The following SOX6 variants were observed in gnomAD, a reference collection of about 807,000 sequenced individuals.
SOX6 encodes SRY-box transcription factor 6.
A neutral mutation model predicts 97.8 loss-of-function variants in SOX6; 11 were observed. The ratio of observed to expected loss-of-function variants is 0.11; its 90% CI spans 0.07 to 0.19. The LOEUF is 0.19. Ranked by LOEUF, SOX6 falls within the 10% of genes least tolerant of loss-of-function variation. The pLI is 1.00. For synonymous variants in SOX6, 360 were observed against 371.4 expected (o/e 0.97, Z 0.35); for missense variants, 810 against 1,039.5 (o/e 0.78, Z 3.04).
intron 4 of SOX6, among the ~76,000 whole-genome samples, chr11:16,602,568 G>A (rs978766183): frequency 6.6e-6 from 1 of 152,122 alleles, no homozygotes; most frequent in Non-Finnish European, 1.5e-5. Flanking sequence ...TATTCAAGAA[G>A]ATACTTCCAA....
At chr11:16,043,822 A>C (rs895519049) in intron 12 of SOX6, among the ~76,000 whole-genome samples, 1 of 152,128 alleles carries the variant, frequency 6.6e-6, no homozygotes, top group Non-Finnish European at 1.5e-5. Flanking sequence ...CCTCTTCAGC[A>C]TTGCCTTAGC....
chr11:16,049,720 G>A (rs373449094), intron 11 of SOX6, 35 bp downstream of exon 11: 12 of 1,610,894 alleles, frequency 7.4e-6, no homozygotes, highest in African/African-American at 1.3e-5. Context: ...TACCTAATTC[G>A]TAAGTCTCTT....
At chr11:16,323,164 A>C (rs774911023) in intron 2 of SOX6, among the ~76,000 whole-genome samples, 1 of 152,188 alleles carries the variant, frequency 6.6e-6, no homozygotes, top group African/African-American at 2.4e-5. Context: ...ATGTTGATTC[A>C]GATAATCTAA....
intron 3 of SOX6, among the ~76,000 whole-genome samples, chr11:16,266,028 T>C (rs1355777811): frequency 2.4e-4 from 36 of 151,558 alleles, no homozygotes; most frequent in Non-Finnish European, 3.0e-5. Context: ...ATATTGAAAA[T>C]ATAATGGCTG....
intron 4 of SOX6, among the ~76,000 whole-genome samples, chr11:16,213,806 T>C (rs1242843990): frequency 6.6e-6 from 1 of 152,208 alleles, no homozygotes; most frequent in Non-Finnish European, 1.5e-5. Flanking sequence ...ATTTCAAAAC[T>C]AACTTCATTT....
At chr11:16,243,551 G>A (rs920250992) in intron 3 of SOX6, among the ~76,000 whole-genome samples, 7 of 151,060 alleles carry the variant, frequency 4.6e-5, no homozygotes, top group East Asian at 1.9e-4. Flanking sequence ...AATAAAATGC[G>A]CCCATTTAAA....
intron 9 of SOX6, among the ~76,000 whole-genome samples, chr11:16,078,079 T>C (rs145676918): frequency 5.7e-4 from 87 of 152,334 alleles, no homozygotes; most frequent in Admixed American, 9.8e-4. Context: ...AAACAATTTG[T>C]AATTTAGTTC....
intron 4 of SOX6, among the ~76,000 whole-genome samples, chr11:16,194,867 C>A (rs1025710863): frequency 1.3e-5 from 2 of 152,178 alleles, no homozygotes; most frequent in Non-Finnish European, 2.9e-5. Context: ...GATCTGGAAA[C>A]GAAGGTATTC....
chr11:16,473,107 T>G (rs1444309278), intron 1 of SOX6, among the ~76,000 whole-genome samples: 1 of 152,238 alleles, frequency 6.6e-6, no homozygotes, highest in Non-Finnish European at 1.5e-5. Flanking sequence ...ATTTTTTTCT[T>G]GAAATTTGCC....
At chr11:16,009,052 T>C (rs1317673846) in intron 13 of SOX6, among the ~76,000 whole-genome samples, 1 of 152,034 alleles carries the variant, frequency 6.6e-6, no homozygotes, top group African/African-American at 2.4e-5. Context: ...CAGACCCATA[T>C]GCCCACAGCA....
chr11:16,593,493 A>G (rs1456215433), intron 4 of SOX6, among the ~76,000 whole-genome samples: 1 of 147,342 alleles, frequency 6.8e-6, no homozygotes, highest in Non-Finnish European at 1.5e-5. Context: ...GATGGGAAGA[A>G]CGTTGAACAA....
At chr11:16,463,623 T>C (rs1184008698) in intron 1 of SOX6, among the ~76,000 whole-genome samples, 2 of 152,186 alleles carry the variant, frequency 1.3e-5, no homozygotes, top group Non-Finnish European at 2.9e-5. Context: ...AACTTCTCTA[T>C]GCCAAGTATA....
chr11:16,242,830 ATCAATTTAAAACAAGGTTATAGTCC>A (rs1335239930), intron 3 of SOX6, among the ~76,000 whole-genome samples: 1 of 151,996 alleles, frequency 6.6e-6, no homozygotes, highest in African/African-American at 2.4e-5. Context: ...TCCACAAAAG[ATCAATTTAAAACAAGGTTATAGTCC>A]TCAATTTGGT....
chr11:16,378,771 T>C (rs1224476271), intron 1 of SOX6, among the ~76,000 whole-genome samples: 1 of 152,066 alleles, frequency 6.6e-6, no homozygotes, highest in Non-Finnish European at 1.5e-5. Flanking sequence ...TGAGAGAGAT[T>C]TGATTTTCTA....
At chr11:16,586,846 T>A (rs1848100027) in intron 4 of SOX6, among the ~76,000 whole-genome samples, 1 of 152,242 alleles carries the variant, frequency 6.6e-6, no homozygotes, top group Admixed American at 6.5e-5. Context: ...GTACAGACAG[T>A]CCTTGTTTTG....
At chr11:16,178,486 T>G (rs773212940) in intron 6 of SOX6, among the ~76,000 whole-genome samples, 2 of 151,778 alleles carry the variant, frequency 1.3e-5, no homozygotes, top group African/African-American at 2.4e-5. Context: ...AGCAGAGACA[T>G]AGAGAGAGGA....
At chr11:16,639,046 G>C (rs1848845731) in intron 3 of SOX6, among the ~76,000 whole-genome samples, 1 of 152,158 alleles carries the variant, frequency 6.6e-6, no homozygotes, top group South Asian at 2.1e-4. Context: ...GGTTTTTATG[G>C]TTTTAGGTCT....
intron 3 of SOX6, among the ~76,000 whole-genome samples, chr11:16,714,613 A>G (rs10832673): frequency 0.26 from 38,957 of 151,852 alleles, 5,507 homozygotes; most frequent in East Asian, 0.48. Flanking sequence ...CACCACGCCC[A>G]GCTAATTTTT....
At chr11:16,486,491 CTGGAGAAAAAAAGTCAT>C (rs1860436576) in intron 4 of SOX6, among the ~76,000 whole-genome samples, 1 of 152,012 alleles carries the variant, frequency 6.6e-6, no homozygotes, top group East Asian at 1.9e-4. Context: ...ATGAGTAGGA[CTGGAGAAAAAAAGTCAT>C]TATCAAAACA....
Sources: gnomAD v4.1 joint callset for allele counts (sites outside exome capture counted in the v4.1 genomes callset) on GRCh38, gnomAD v4.1.1 for gene constraint, MANE v1.5 for transcripts, NCBI Gene and HGNC (gene_info 2026-07-23, HGNC 2026-07-21) for gene names.